Variants in TIAM1 observed in about 807,000 individuals in gnomAD.
TIAM1 encodes TIAM Rac1 associated GEF 1, also known as rho guanine nucleotide exchange factor TIAM1.
Under a neutral mutation model 163.5 loss-of-function variants are expected in TIAM1, and 65 were observed. That is an observed-to-expected ratio of 0.40 (90% CI 0.33 to 0.49). TIAM1 has a LOEUF of 0.49. Ranked by LOEUF, TIAM1 falls within the 20% of genes least tolerant of loss-of-function variation. The pLI, the probability that TIAM1 is intolerant of heterozygous loss-of-function variation, is 0.77. For synonymous variants in TIAM1, 833 were observed against 810.1 expected (o/e 1.03, Z -0.48); for missense variants, 1,789 against 2,044.7 (o/e 0.87, Z 2.41).
chr21:31,472,865 T>C (rs2045796189), intron 1 of TIAM1, among the ~76,000 whole-genome samples: 1 of 152,254 alleles, frequency 6.6e-6, no homozygotes, highest in African/African-American at 2.4e-5. Context: ...GAGCTTGGCA[T>C]GGCGTACGCA....
chr21:31,441,953 G>A (rs2044433153), intron 2 of TIAM1, among the ~76,000 whole-genome samples: 1 of 148,694 alleles, frequency 6.7e-6, no homozygotes, highest in Non-Finnish European at 1.5e-5. Flanking sequence ...CTACTCAGGA[G>A]GCTGAGGTGG....
chr21:31,439,567 G>C (rs1446661687), intron 2 of TIAM1, among the ~76,000 whole-genome samples: 1 of 152,212 alleles, frequency 6.6e-6, no homozygotes, highest in African/African-American at 2.4e-5. Context: ...TGGCATTACA[G>C]GCATGGGCCA....
intron 2 of TIAM1, among the ~76,000 whole-genome samples, chr21:31,420,552 G>A (rs1316223763): frequency 6.6e-6 from 1 of 152,208 alleles, no homozygotes; most frequent in Non-Finnish European, 1.5e-5. Context: ...TGTCCAAAAT[G>A]ATGCAACCAT....
At chr21:31,534,824 C>T (rs979081357) in intron 1 of TIAM1, among the ~76,000 whole-genome samples, 4 of 152,166 alleles carry the variant, frequency 2.6e-5, no homozygotes, top group African/African-American at 7.2e-5. Context: ...TCTTTGTTGT[C>T]ATAAAATTAA....
chr21:31,475,025 T>TTTA lies in TIAM1; in HGVS notation c.-421-10993_-421-10991dup, dbSNP rs550390061. On this transcript the variant is annotated intron_variant, in intron 1 of 28. Coordinates refer to the TIAM1 transcript ENST00000286827. The stretch of plus-strand genomic sequence containing the variant: ...CATATAAGTTGCTGTGAGCTAGTTT[T>TTTA]TTATTATTATTATTATTATTATTAT... Among the ~76,000 whole-genome samples, 898 of 118,660 alleles carry TTTA rather than the reference T, an allele frequency of 7.6e-3. 4 individuals carry two copies. Among genetic ancestry groups the TTTA allele is most frequent in the Middle Eastern group, 0.013 (3 of 230 alleles). The allele number at this position is 118,660 out of a possible 152,430, so 77.8% of individuals were successfully genotyped here.
intron 1 of TIAM1, among the ~76,000 whole-genome samples, chr21:31,556,170 G>A (rs1164536005): frequency 2.0e-5 from 3 of 152,134 alleles, no homozygotes; most frequent in Non-Finnish European, 4.4e-5. Flanking sequence ...CTAAGGGCGC[G>A]AGAATTCCCA....
rs140522779 is a variant in TIAM1 at position 31,321,117 on chromosome 21, G to A, written c.-189+18126C>T. Among the ~76,000 whole-genome samples the A allele has an allele frequency of 3.5e-3, 524 of 151,712 alleles. 3 individuals carry two copies. The highest frequency in any genetic ancestry group is 0.012 in the African/African-American group (482 of 41,394). On this transcript the variant is annotated intron_variant, in intron 2 of 27. Coordinates refer to ENST00000541036, the MANE Select transcript of TIAM1 (RefSeq NM_001353694.2). ...CAGTGAGCTATGATTGTGCTACCGC[G>A]CTCCAGCCTGGGCCACAGAAAGAAG...
intron 1 of TIAM1, among the ~76,000 whole-genome samples, chr21:31,533,548 G>C (rs914223592): frequency 3.9e-5 from 6 of 152,006 alleles, no homozygotes; most frequent in African/African-American, 1.4e-4. Context: ...GAGGTCGGGA[G>C]TTCAAGACAA....
At chr21:31,414,298 C>A (rs2043301783) in intron 2 of TIAM1, among the ~76,000 whole-genome samples, 1 of 152,142 alleles carries the variant, frequency 6.6e-6, no homozygotes, top group Admixed American at 6.6e-5. Flanking sequence ...GTAAGAAAAG[C>A]ATAAATATAC....
At chr21:31,353,835 CTTTTTTTT>C (rs71193103) in intron 2 of TIAM1, among the ~76,000 whole-genome samples, 1 of 71,234 alleles carries the variant, frequency 1.4e-5, no homozygotes, top group Non-Finnish European at 2.4e-5. Context: ...ATTTATTTAT[CTTTTTTTT>C]TTTTTTTTTT....
Position 31,521,561 on chromosome 21 carries a change from C to A in TIAM1, c.-422+37366G>T, listed in dbSNP as rs529158035. 4.6e-5 allele frequency among the ~76,000 whole-genome samples: 7 copies of A among 152,166 alleles called. No individual in the cohort carries two copies. The East Asian group carries it at 1.4e-3, about 29-fold the overall frequency. On this transcript the variant is annotated intron_variant, in intron 1 of 28. Transcript: ENST00000286827. ...GACCAGCCTGGGTAATATAGCAATA[C>A]CCCATCTCAACAAAAAATTTAAAAA...
rs550517435 is a variant in TIAM1 at position 31,383,501 on chromosome 21, TCTTTCACTCAAC to T, written c.-368-44091_-368-44080del. The stretch of plus-strand genomic sequence containing the variant: ...AGGCACCTCTTCACACTTCAACAGT[TCTTTCACTCAAC>T]CTTACAAACAGGCTCAAAATGGGCT... On this transcript the variant is annotated intron_variant, in intron 2 of 28. Transcript: ENST00000286827. Among the ~76,000 whole-genome samples the T allele has an allele frequency of 2.0e-4, 30 of 152,250 alleles. No homozygotes were observed. The East Asian group carries it at 4.1e-3, about 21-fold the overall frequency.
chr21:31,239,460 A>C (rs2071055775), intron 6 of TIAM1, among the ~76,000 whole-genome samples: 1 of 152,102 alleles, frequency 6.6e-6, no homozygotes, highest in African/African-American at 2.4e-5. Context: ...ATATACAAGA[A>C]AATTTTCATG....
intron 2 of TIAM1, among the ~76,000 whole-genome samples, chr21:31,282,732 G>T (rs2073625021): frequency 6.6e-6 from 1 of 152,160 alleles, no homozygotes; most frequent in Non-Finnish European, 1.5e-5. Flanking sequence ...CCATGATAAG[G>T]GCCCCAAGTT....
chr21:31,524,215 AC>A (rs1285304359), intron 1 of TIAM1, among the ~76,000 whole-genome samples: 1 of 152,200 alleles, frequency 6.6e-6, no homozygotes, highest in Non-Finnish European at 1.5e-5. Flanking sequence ...TGCAGATTGT[AC>A]AAGAAGCACG....
At chr21:31,469,645 G>A (rs1054171295) in intron 1 of TIAM1, among the ~76,000 whole-genome samples, 2 of 151,888 alleles carry the variant, frequency 1.3e-5, no homozygotes, top group Non-Finnish European at 1.5e-5. Flanking sequence ...TGGCTAACAC[G>A]GTGAAACCCC....
intron 1 of TIAM1, among the ~76,000 whole-genome samples, chr21:31,466,014 G>A (rs1039406496): frequency 1.4e-4 from 21 of 152,172 alleles, no homozygotes; most frequent in African/African-American, 4.8e-4. Context: ...CCTTCTTACA[G>A]GTCTTGATAT....
chr21:31,228,249 A>AGGATTTTTCCTTT (rs2088169379), intron 6 of TIAM1, among the ~76,000 whole-genome samples: 16 of 138,342 alleles, frequency 1.2e-4, no homozygotes, highest in African/African-American at 5.0e-4. Context: ...AAAAAAAAAA[A>AGGATTTTTCCTTT]AAAAAAAAAA....
intron 2 of TIAM1, among the ~76,000 whole-genome samples, chr21:31,461,671 T>G (rs2045331440): frequency 2.0e-5 from 3 of 151,996 alleles, no homozygotes; most frequent in Non-Finnish European, 4.4e-5. Context: ...TTGATCCTTT[T>G]GTGTGTGTGT....
Sources: gnomAD v4.1 joint callset for allele counts (sites outside exome capture counted in the v4.1 genomes callset) on GRCh38, gnomAD v4.1.1 for gene constraint, MANE v1.5 for transcripts, NCBI Gene and HGNC (gene_info 2026-07-23, HGNC 2026-07-21) for gene names.